CNOT2: variants seen among roughly 807,000 people sequenced by gnomAD.
The protein encoded by CNOT2 is CCR4-NOT transcription complex subunit 2, also known as CC chemokine receptor 4-negative regulator of transcription 2.
Under a neutral mutation model 72.1 loss-of-function variants are expected in CNOT2, and 7 were observed. That is an observed-to-expected ratio of 0.10 (90% CI 0.06 to 0.18). CNOT2 has a LOEUF of 0.18. Among genes scored for constraint, CNOT2 ranks in the 10% least tolerant of loss-of-function variants. The probability of loss-of-function intolerance (pLI) is 1.00; values close to 1 mark genes in which losing one functional copy is unlikely to be tolerated. For missense variants in CNOT2, 345 were observed against 660.3 expected, an observed-to-expected ratio of 0.52 and a Z score of 5.23; for synonymous variants, 196 against 225.6, an observed-to-expected ratio of 0.87 and a Z score of 1.17.
intron 3 of CNOT2, among the ~76,000 whole-genome samples, chr12:70,312,275 A>T (rs949089713): frequency 7.2e-5 from 11 of 151,878 alleles, no homozygotes; most frequent in African/African-American, 2.7e-4. Context: ...AGAATTTGGG[A>T]TATATTTTTG....
At chr12:70,300,178 A>G (rs1873652234) in intron 2 of CNOT2, among the ~76,000 whole-genome samples, 1 of 151,912 alleles carries the variant, frequency 6.6e-6, no homozygotes, top group East Asian at 1.9e-4. Flanking sequence ...AAGCCTGTTC[A>G]CTCTGATGGT....
At chr12:70,282,833 G>A (rs940616281) in intron 2 of CNOT2, among the ~76,000 whole-genome samples, 1 of 151,800 alleles carries the variant, frequency 6.6e-6, no homozygotes, top group South Asian at 2.1e-4. Context: ...TTGGAAAGTG[G>A]TGCCCCATAT....
intron 1 of CNOT2, among the ~76,000 whole-genome samples, chr12:70,265,273 T>TTCCTCTCTTC (rs1958970837): frequency 8.0e-6 from 1 of 125,382 alleles, no homozygotes; most frequent in Non-Finnish European, 1.7e-5. Flanking sequence ...TTCGTTTTGT[T>TTCCTCTCTTC]TCTTCTCTTC....
chr12:70,348,144 G>A (rs1882434033), intron 15 of CNOT2: 1 of 152,128 alleles, frequency 6.6e-6, no homozygotes, highest in South Asian at 2.1e-4. Context: ...CACACGTTGG[G>A]TATTTGATAC....
At chr12:70,328,534 T>C (rs1186638441) in intron 4 of CNOT2, among the ~76,000 whole-genome samples, 1 of 151,892 alleles carries the variant, frequency 6.6e-6, no homozygotes, top group African/African-American at 2.4e-5. Context: ...TTCTTGACTT[T>C]GAAGCATAAA....
At chr12:70,347,302 A>T (rs1242771120) in intron 15 of CNOT2, among the ~76,000 whole-genome samples, 21 of 152,160 alleles carry the variant, frequency 1.4e-4, no homozygotes, top group Non-Finnish European at 2.4e-4. Flanking sequence ...CCTACCAGAT[A>T]TTTATCACAA....
chr12:70,320,152 A>C (rs1487532160), intron 4 of CNOT2, among the ~76,000 whole-genome samples: 1 of 151,680 alleles, frequency 6.6e-6, no homozygotes, highest in Non-Finnish European at 1.5e-5. Flanking sequence ...TGTTAATAGA[A>C]GAAGGGAATT....
At chr12:70,287,127 C>T (rs926159761) in intron 2 of CNOT2, among the ~76,000 whole-genome samples, 1 of 151,722 alleles carries the variant, frequency 6.6e-6, no homozygotes, top group East Asian at 1.9e-4. Flanking sequence ...TTGAAGTTGT[C>T]ATCATTAAAT....
chr12:70,248,476 A>G (rs1232920572), intron 1 of CNOT2, among the ~76,000 whole-genome samples: 1 of 152,158 alleles, frequency 6.6e-6, no homozygotes, highest in Non-Finnish European at 1.5e-5. Context: ...TTTCATATGG[A>G]AATGTTCACG....
chr12:70,273,039 C>T (rs1039399746), intron 1 of CNOT2, among the ~76,000 whole-genome samples: 2 of 152,150 alleles, frequency 1.3e-5, no homozygotes, highest in Non-Finnish European at 2.9e-5. Context: ...TAATTTCTCT[C>T]TCTCCATCTT....
intron 5 of CNOT2, among the ~76,000 whole-genome samples, chr12:70,329,921 A>G (rs1188548574): frequency 6.6e-6 from 1 of 151,992 alleles, no homozygotes; most frequent in African/African-American, 2.4e-5. Flanking sequence ...CCATTGCTCT[A>G]ATGAGCATAA....
chr12:70,317,871 G>A (rs1877625889), intron 3 of CNOT2, among the ~76,000 whole-genome samples: 1 of 151,476 alleles, frequency 6.6e-6, no homozygotes, highest in East Asian at 1.9e-4. Flanking sequence ...AAGACAGGGT[G>A]AGAAAATAGA....
chr12:70,352,487 G>A (rs901655230), intron 15 of CNOT2, among the ~76,000 whole-genome samples: 1 of 151,932 alleles, frequency 6.6e-6, no homozygotes, highest in Non-Finnish European at 1.5e-5. Flanking sequence ...TTAAAATTTG[G>A]TCATTATAGT....
At chr12:70,267,214 A>G (rs1258060260) in intron 1 of CNOT2, among the ~76,000 whole-genome samples, 6 of 152,096 alleles carry the variant, frequency 3.9e-5, no homozygotes, top group Non-Finnish European at 8.8e-5. Flanking sequence ...TTATTCTTTC[A>G]TGGTTCTGGA....
chr12:70,341,314 G>A (rs7309116), intron 11 of CNOT2, among the ~76,000 whole-genome samples: 32,287 of 151,888 alleles, frequency 0.21, 4,049 homozygotes, highest in Admixed American at 0.34. Flanking sequence ...TATATCTCAG[G>A]CATGTCAGTC....
At chr12:70,282,759 T>C (rs1428685597) in intron 2 of CNOT2, among the ~76,000 whole-genome samples, 1 of 152,248 alleles carries the variant, frequency 6.6e-6, no homozygotes, top group African/African-American at 2.4e-5. Flanking sequence ...TTTTTATAAC[T>C]TATTACATAT....
chr12:70,338,448 G>A lies in CNOT2; in HGVS notation c.906G>A (p.Leu302=). The change falls in exon 10 of 16, where the codon TTG becomes TTA. Residue 302 remains leucine, a synonymous_variant. Coordinates refer to ENST00000229195, the MANE Select transcript of CNOT2 (RefSeq NM_014515.7). ...TTTAATTTTTTTCATGCTAGAATTT[G>A]AATACATCTGGCAAGACAACTTCAA... ...TSSNDDSKSN[L]NTSGKTTSST... The A allele has an allele frequency of 6.3e-7, 1 of 1,594,968 alleles. No homozygotes were observed. Among genetic ancestry groups the A allele is most frequent in the African/African-American group, 1.4e-5 (1 of 73,708 alleles).
chr12:70,293,051 A>T (rs78092267), intron 2 of CNOT2, among the ~76,000 whole-genome samples: 4,089 of 151,924 alleles, frequency 0.027, 117 homozygotes, highest in African/African-American at 0.059. Flanking sequence ...ATAAGCTTCT[A>T]TTTTTATTAG....
chr12:70,296,787 G>A (rs1335470565), intron 2 of CNOT2, among the ~76,000 whole-genome samples: 4 of 145,938 alleles, frequency 2.7e-5, no homozygotes, highest in African/African-American at 7.5e-5. Flanking sequence ...TGTTTTTCAA[G>A]AATTAAATAA....
Sources: allele counts gnomAD v4.1 joint callset (sites outside exome capture counted in the v4.1 genomes callset), GRCh38; gene constraint gnomAD v4.1.1; transcripts MANE v1.5; gene names NCBI Gene and HGNC (gene_info 2026-07-23, HGNC 2026-07-21).